Variants in EPB41L4A observed in about 807,000 individuals in gnomAD.
EPB41L4A encodes the protein erythrocyte membrane protein band 4.1 like 4A.
A neutral mutation model predicts 108.6 loss-of-function variants in EPB41L4A; 100 were observed. The ratio of observed to expected loss-of-function variants is 0.92; its 90% CI spans 0.78 to 1.09. EPB41L4A has a LOEUF of 1.09. Ranked by LOEUF, EPB41L4A falls within the 50% of genes least tolerant of loss-of-function variation. EPB41L4A has a pLI of 0.00. For synonymous variants in EPB41L4A, 319 were observed against 289.0 expected (o/e 1.10, Z -1.05); for missense variants, 1,030 against 842.7 (o/e 1.22, Z -2.75).
intron 1 of EPB41L4A, among the ~76,000 whole-genome samples, chr5:112,315,009 T>C (rs984636341): frequency 3.3e-5 from 5 of 152,162 alleles, no homozygotes; most frequent in Non-Finnish European, 5.9e-5. Flanking sequence ...TTTGAGAGAA[T>C]GAACTGGGTA....
At chr5:112,182,048 G>A (rs995853052) in intron 18 of EPB41L4A, among the ~76,000 whole-genome samples, 1 of 151,928 alleles carries the variant, frequency 6.6e-6, no homozygotes, top group African/African-American at 2.4e-5. Flanking sequence ...ACTCCAGCCT[G>A]GGTGACAGAG....
intron 1 of EPB41L4A, among the ~76,000 whole-genome samples, chr5:112,354,234 A>G (rs1474362): frequency 0.44 from 67,466 of 152,050 alleles, 16,174 homozygotes; most frequent in South Asian, 0.6. Context: ...ATTATTCCAA[A>G]TGGATGTTGG....
intron 6 of EPB41L4A, among the ~76,000 whole-genome samples, 176 bp from the exon 7 acceptor site, chr5:112,262,757 T>C (rs1001239609): frequency 2.0e-5 from 3 of 152,274 alleles, no homozygotes; most frequent in African/African-American, 7.2e-5. Flanking sequence ...TTTTATACTC[T>C]GAAGTGATAC....
At chr5:112,256,824 T>C (rs931339366) in intron 9 of EPB41L4A, 2 of 152,034 alleles carry the variant, frequency 1.3e-5, no homozygotes, top group East Asian at 3.8e-4. Flanking sequence ...GACCTCTGAG[T>C]TTTAGGATAA....
chr5:112,307,339 G>A (rs1270459768), intron 2 of EPB41L4A, 47 bp downstream of exon 2: 5 of 1,281,304 alleles, frequency 3.9e-6, no homozygotes, highest in East Asian at 2.3e-5. Context: ...CAGAGATAGA[G>A]TGAAATTTAT....
exon 13 of EPB41L4A, chr5:112,145,907 A>G (rs1759235761): frequency 2.2e-6 from 1 of 456,682 alleles, no homozygotes; most frequent in African/African-American, 2.0e-5. Flanking sequence ...CACTTCATCC[A>G]GAAGTGTATT....
chr5:112,163,166 G>C lies in EPB41L4A; in HGVS notation c.*1824C>G, dbSNP rs1356541875. ...CTAGACAAGAGACCAGCTTGGACTAGTAAAATTAGTGAAATAAGATCGTTT... is the reference window on the plus strand; with the variant it reads ...CTAGACAAGAGACCAGCTTGGACTACTAAAATTAGTGAAATAAGATCGTTT... On this transcript the variant is annotated 3_prime_UTR_variant, in exon 23 of 23. Coordinates refer to ENST00000261486, the MANE Select transcript of EPB41L4A (RefSeq NM_022140.5). 1 of 152,240 alleles carries C rather than the reference G, an allele frequency of 6.6e-6. No individual in the cohort carries two copies. Among genetic ancestry groups the C allele is most frequent in the East Asian group, 1.9e-4 (1 of 5,204 alleles). The allele number at this position is 152,240 out of a possible 1,614,324, so 9.4% of individuals were successfully genotyped here.
At chr5:112,239,797 C>T (rs1749644728) in intron 10 of EPB41L4A, 60 bp from the exon 11 acceptor site, 2 of 1,112,378 alleles carry the variant, frequency 1.8e-6, no homozygotes, top group Non-Finnish European at 1.3e-6. Flanking sequence ...TTCTGGGCCA[C>T]CCCCTTCTCC....
chr5:112,342,684 T>C lies in EPB41L4A; in HGVS notation c.100-35194A>G, dbSNP rs575118556. On this transcript the variant is annotated intron_variant, in intron 1 of 22. Transcript: ENST00000261486. The stretch of plus-strand genomic sequence containing the variant: ...TCCATGGCCACCTGGGTTGAAGAAG[T>C]AAGCAGATCAGACCCAAAGGGGTGG... Among the ~76,000 whole-genome samples the C allele has an allele frequency of 3.5e-3, 530 of 152,252 alleles. 3 individuals carry two copies. Among genetic ancestry groups the C allele is most frequent in the Middle Eastern group, 6.8e-3 (2 of 294 alleles).
Position 112,345,754 on chromosome 5 carries a change from C to CAT in EPB41L4A, c.100-38266_100-38265dup, listed in dbSNP as rs1007759403. Among the ~76,000 whole-genome samples, 1,196 of 137,526 alleles carry CAT rather than the reference C, an allele frequency of 8.7e-3. 12 individuals are homozygous for CAT. The highest frequency in any genetic ancestry group is 0.029 in the African/African-American group (1,084 of 37,084). The allele number at this position is 137,526 out of a possible 152,430, so 90.2% of individuals were successfully genotyped here. A position where few individuals can be genotyped will look rare whatever the true frequency, so the allele number is the denominator to read the frequency against. ...AGGATGTGCACAATGCTACAGGATG[C>CAT]ATATATATATATACATATATATATA... On this transcript the variant is annotated intron_variant, in intron 1 of 22. Coordinates refer to ENST00000261486, the MANE Select transcript of EPB41L4A (RefSeq NM_022140.5).
chr5:112,361,446 C>T (rs1002608378), intron 1 of EPB41L4A, among the ~76,000 whole-genome samples: 6 of 151,870 alleles, frequency 4.0e-5, no homozygotes, highest in Non-Finnish European at 8.8e-5. Context: ...TATCTGCTGA[C>T]CTTCCCTCCA....
exon 14 of EPB41L4A, chr5:112,142,571 G>A (rs2061794643): frequency 6.6e-6 from 1 of 152,232 alleles, no homozygotes; most frequent in Admixed American, 6.5e-5. Flanking sequence ...TAACTTAGAA[G>A]TCATTCAAAA....
chr5:112,241,136 G>A (rs187521345), intron 9 of EPB41L4A, among the ~76,000 whole-genome samples: 7 of 152,052 alleles, frequency 4.6e-5, no homozygotes, highest in South Asian at 2.1e-4. Context: ...GGAAAAGCAC[G>A]GACCATGTGA....
intron 1 of EPB41L4A, among the ~76,000 whole-genome samples, chr5:112,366,149 C>A (rs1759105960): frequency 6.6e-6 from 1 of 152,156 alleles, no homozygotes; most frequent in African/African-American, 2.4e-5. Flanking sequence ...CCAGGCATCA[C>A]TCAGCAGTCA....
chr5:112,263,052 A>G (rs1031377169), intron 6 of EPB41L4A, among the ~76,000 whole-genome samples: 2 of 152,230 alleles, frequency 1.3e-5, no homozygotes, highest in Non-Finnish European at 2.9e-5. Flanking sequence ...CCACATGTGT[A>G]GTTTGAAAAT....
intron 1 of EPB41L4A, among the ~76,000 whole-genome samples, chr5:112,408,422 C>G (rs1486085201): frequency 6.6e-6 from 1 of 151,802 alleles, no homozygotes; most frequent in African/African-American, 2.4e-5. Context: ...AAAGATGACC[C>G]AAATGGGAGA....
At chr5:112,361,245 G>A (rs1172331654) in intron 1 of EPB41L4A, among the ~76,000 whole-genome samples, 3 of 152,188 alleles carry the variant, frequency 2.0e-5, no homozygotes, top group African/African-American at 4.8e-5. Flanking sequence ...TCTGAAACAT[G>A]TGCTGTGTCC....
intron 1 of EPB41L4A, among the ~76,000 whole-genome samples, chr5:112,361,811 T>C (rs1758786761): frequency 6.6e-6 from 1 of 152,014 alleles, no homozygotes; most frequent in African/African-American, 2.4e-5. Context: ...CAACTGAGCC[T>C]GGGAGGCAGC....
At chr5:112,241,067 A>C (rs1158820914) in intron 9 of EPB41L4A, among the ~76,000 whole-genome samples, 1 of 152,182 alleles carries the variant, frequency 6.6e-6, no homozygotes, top group Non-Finnish European at 1.5e-5. Context: ...GACAATAGAT[A>C]GTTTGGACGG....
Sources: gnomAD v4.1 joint callset for allele counts (sites outside exome capture counted in the v4.1 genomes callset) on GRCh38, gnomAD v4.1.1 for gene constraint, MANE v1.5 for transcripts, NCBI Gene and HGNC (gene_info 2026-07-23, HGNC 2026-07-21) for gene names.